ZNF827: variants seen among roughly 807,000 people sequenced by gnomAD.
ZNF827 encodes the protein zinc finger protein 827.
Under a neutral mutation model 102.4 loss-of-function variants are expected in ZNF827, and 13 were observed. That is an observed-to-expected ratio of 0.13 (90% CI 0.08 to 0.20). ZNF827 has a LOEUF of 0.20. ZNF827 is among the 10% of genes least tolerant of loss of function. The pLI, the probability that ZNF827 is intolerant of heterozygous loss-of-function variation, is 1.00. For synonymous variants in ZNF827, 523 were observed against 536.2 expected (o/e 0.98, Z 0.34); for missense variants, 1,103 against 1,344.4 (o/e 0.82, Z 2.81).
chr4:145,870,511 TA>T (rs771468289), intron 4 of ZNF827, 33 bp from the exon 5 acceptor site: 6 of 1,590,020 alleles, frequency 3.8e-6, no homozygotes, highest in African/African-American at 2.7e-5. Context: ...TATATATACA[TA>T]AAAGGCCACT....
rs1750097881 is a variant in ZNF827 at position 145,886,144 on chromosome 4, C to T, written c.1281G>A (p.Gln427=). ...LKSHMKVHQH[Q]DRGETFQCQL... is the part of the protein sequence containing the mutation. The stretch of plus-strand genomic sequence containing the variant: ...GGCACTGAAAGGTCTCTCCCCGATC[C>T]TGGTGCTGATGAACCTGACGGAGAA... The change falls in exon 4 of 15, where the codon CAG becomes CAA. Residue 427 remains glutamine (Q), a synonymous_variant. Transcript: ENST00000508784. 1 of 1,598,582 alleles carries T rather than the reference C, an allele frequency of 6.3e-7. No homozygotes were observed. The highest frequency in any genetic ancestry group is 8.5e-7 in the Non-Finnish European group (1 of 1,173,142).
At chr4:145,824,498 G>A (rs1329484672) in intron 7 of ZNF827, among the ~76,000 whole-genome samples, 2 of 152,188 alleles carry the variant, frequency 1.3e-5, no homozygotes, top group African/African-American at 2.4e-5. Context: ...AGGGCAGGAA[G>A]CCATTGCCAC....
rs979038706 is a variant in ZNF827 at position 145,854,636 on chromosome 4, A to C, written c.1982-5075T>G. ...TCATCTCTGAGCACTCCTCCATGTG[A>C]CTTTGTGCTCCTGCAATACTGAAAT... On this transcript the variant is annotated intron_variant, in intron 5 of 14. Coordinates refer to ENST00000508784, the MANE Select transcript of ZNF827 (RefSeq NM_001306215.2). 2.6e-5 allele frequency among the ~76,000 whole-genome samples: 4 copies of C among 152,122 alleles called. 1 individual carries two copies. The South Asian group carries it at 8.3e-4, about 32-fold the overall frequency.
At position 145,760,705 on chromosome 4, in the gene ZNF827, T is replaced by C. The variant is rs1734352966; in HGVS notation, c.*911A>G. ...CAGCAACATACACCTGCTGGGGTTG[T>C]GTTTAAGTTTTGTGGTTTTTTTTTT... On this transcript the variant is annotated 3_prime_UTR_variant, in exon 15 of 15. Transcript: ENST00000508784. The C allele has an allele frequency of 9.9e-7, 1 of 1,008,222 alleles. No individual in the cohort carries two copies. The highest frequency in any genetic ancestry group is 5.3e-5 in the Admixed American group (1 of 18,888). The allele number at this position is 1,008,222 out of a possible 1,614,324, so 62.5% of individuals were successfully genotyped here.
chr4:145,902,043 C>T lies in ZNF827; in HGVS notation c.1093+123G>A. On this transcript the variant is annotated intron_variant, in intron 2 of 14. Transcript: ENST00000508784. The surrounding 1 kb of genome is among the most constrained non-coding windows in gnomAD (Gnocchi z 4.3). ...GCTTACTTAAAGTATTTTTGTTGTGCTCTTGCTTTTTTATTCCTGCCTCAG... is the reference window on the plus strand; with the variant it reads ...GCTTACTTAAAGTATTTTTGTTGTGTTCTTGCTTTTTTATTCCTGCCTCAG... The T allele has an allele frequency of 2.4e-6, 3 of 1,272,100 alleles. No individual in the cohort carries two copies. Among genetic ancestry groups the T allele is most frequent in the South Asian group, 3.3e-5 (2 of 60,572 alleles). The allele number at this position is 1,272,100 out of a possible 1,614,324, so 78.8% of individuals were successfully genotyped here. A position where few individuals can be genotyped will look rare whatever the true frequency, so the allele number is the denominator to read the frequency against.
At chr4:145,768,152 T>C (rs1238634922) in intron 11 of ZNF827, among the ~76,000 whole-genome samples, 1 of 152,206 alleles carries the variant, frequency 6.6e-6, no homozygotes, top group Non-Finnish European at 1.5e-5. Flanking sequence ...GAAGTTTTAC[T>C]GTGATAAACT....
At chr4:145,926,584 A>C (rs776232741) in intron 1 of ZNF827, among the ~76,000 whole-genome samples, 1 of 152,220 alleles carries the variant, frequency 6.6e-6, no homozygotes, top group Non-Finnish European at 1.5e-5. Flanking sequence ...GCCAAGTTTT[A>C]AATATTAATT....
intron 5 of ZNF827, among the ~76,000 whole-genome samples, chr4:145,862,096 G>C (rs1050185514): frequency 6.6e-6 from 1 of 152,208 alleles, no homozygotes; most frequent in Non-Finnish European, 1.5e-5. Flanking sequence ...AGCCATTCAG[G>C]TGTACGGGTT....
chr4:145,931,376 G>A (rs1366787562), intron 1 of ZNF827, among the ~76,000 whole-genome samples: 1 of 152,166 alleles, frequency 6.6e-6, no homozygotes, highest in East Asian at 1.9e-4. Context: ...TTTAAAATGT[G>A]GTTCTAAGAG....
At chr4:145,907,915 T>C (rs945969253) in intron 1 of ZNF827, among the ~76,000 whole-genome samples, 3 of 152,234 alleles carry the variant, frequency 2.0e-5, no homozygotes, top group African/African-American at 4.8e-5. Flanking sequence ...TTTGTTTCCA[T>C]GTGGCGAATA....
At chr4:145,864,264 A>C (rs948039748) in intron 5 of ZNF827, among the ~76,000 whole-genome samples, 8 of 151,854 alleles carry the variant, frequency 5.3e-5, no homozygotes, top group African/African-American at 1.9e-4. Flanking sequence ...CCTCTAAAAC[A>C]TAAAATATAT....
rs561972847 is a variant in ZNF827 at position 145,900,323 on chromosome 4, T to C, written c.1093+1843A>G. Among the ~76,000 whole-genome samples, 11 of 152,322 alleles carry C rather than the reference T, an allele frequency of 7.2e-5. No homozygotes were observed. In the East Asian group the frequency reaches 2.1e-3, roughly 29 times the overall value. ...TGCATAAGCTTTCCCAACTAACAAA[T>C]GTCCAGATGAATTGTATACTAGAAA... On this transcript the variant is annotated intron_variant, in intron 2 of 14. Coordinates refer to ENST00000508784, the MANE Select transcript of ZNF827 (RefSeq NM_001306215.2).
rs181354821 is a variant in ZNF827, at chr4:145,882,363, C to T, written c.1747+3315G>A. Among the ~76,000 whole-genome samples, 45 of 152,298 alleles carry T rather than the reference C, an allele frequency of 3.0e-4. No individual in the cohort carries two copies. The East Asian group carries it at 4.8e-3, about 16-fold the overall frequency. On this transcript the variant is annotated intron_variant, in intron 4 of 14. Transcript: ENST00000508784. ...CCCATACTATTCCCTGAATCAACTG[C>T]GATGCCGGGCCTGGAAGCCTCCGTT... is the stretch of plus-strand genomic sequence containing the variant.
At chr4:145,866,989 T>C (rs1330619337) in intron 5 of ZNF827, among the ~76,000 whole-genome samples, 2 of 152,236 alleles carry the variant, frequency 1.3e-5, no homozygotes, top group African/African-American at 4.8e-5. Context: ...TCTCTTACAC[T>C]ATCTAATGTT....
intron 8 of ZNF827, among the ~76,000 whole-genome samples, chr4:145,809,959 C>T (rs1339633400): frequency 6.6e-6 from 1 of 152,172 alleles, no homozygotes; most frequent in Non-Finnish European, 1.5e-5. Flanking sequence ...ATAACAGGGT[C>T]TCAGTGAATT....
intron 8 of ZNF827, among the ~76,000 whole-genome samples, chr4:145,800,283 A>G (rs1740763952): frequency 1.3e-5 from 2 of 152,208 alleles, no homozygotes; most frequent in Non-Finnish European, 1.5e-5. Flanking sequence ...ACTGTAAGTT[A>G]GAAACTTGAG....
intron 7 of ZNF827, among the ~76,000 whole-genome samples, chr4:145,827,823 G>C (rs1476158440): frequency 6.6e-6 from 1 of 152,218 alleles, no homozygotes; most frequent in Non-Finnish European, 1.5e-5. Flanking sequence ...GAAAACAGAA[G>C]ACACTCCATG....
intron 2 of ZNF827, among the ~76,000 whole-genome samples, chr4:145,894,636 C>G (rs1340910074): frequency 2.0e-5 from 3 of 152,148 alleles, no homozygotes; most frequent in Non-Finnish European, 4.4e-5. Context: ...GAAAAAGAAT[C>G]AAGTCTGGAA....
At chr4:145,898,550 A>G (rs1050341163) in intron 2 of ZNF827, among the ~76,000 whole-genome samples, 4 of 152,206 alleles carry the variant, frequency 2.6e-5, no homozygotes, top group Admixed American at 6.5e-5. Flanking sequence ...TTCAAAGAGA[A>G]TTCAGTCAAT....
Sources: gnomAD v4.1 joint callset for allele counts (sites outside exome capture counted in the v4.1 genomes callset) on GRCh38, gnomAD v4.1.1 for gene constraint, Gnocchi (gnomAD v3.1) non-coding constraint, MANE v1.5 for transcripts, NCBI Gene and HGNC (gene_info 2026-07-23, HGNC 2026-07-21) for gene names.